The following EFCAB6 variants were observed in gnomAD, a reference collection of about 807,000 sequenced individuals.
EFCAB6 encodes EF-hand calcium-binding domain-containing protein 6.
EFCAB6 carries 156 observed loss-of-function variants against 169.8 expected under a neutral mutation model. The observed-to-expected ratio is 0.92, with a 90% CI of 0.81 to 1.05. The LOEUF (loss-of-function observed/expected upper bound fraction) is 1.05, where lower values mean the gene tolerates loss of function less well. Among genes scored for constraint, EFCAB6 ranks in the 50% least tolerant of loss-of-function variants. The pLI is 0.00. For synonymous variants in EFCAB6, 698 were observed against 676.4 expected (o/e 1.03, Z -0.50); for missense variants, 1,800 against 1,829.1 (o/e 0.98, Z 0.29).
intron 10 of EFCAB6, 140 bp downstream of exon 10, chr22:43,711,335 A>C (rs1215261870): frequency 2.3e-5 from 20 of 870,978 alleles, no homozygotes; most frequent in Admixed American, 7.5e-5. Context: ...TTACTATATT[A>C]TTCCCTTTAC....
At chr22:43,588,530 A>T (rs1378150914) in intron 24 of EFCAB6, among the ~76,000 whole-genome samples, 1 of 152,198 alleles carries the variant, frequency 6.6e-6, no homozygotes, top group East Asian at 1.9e-4. Flanking sequence ...ATCTCCCAGA[A>T]GGTAGAAAAA....
chr22:43,792,390 G>C (rs948057121), intron 2 of EFCAB6, among the ~76,000 whole-genome samples: 14 of 152,220 alleles, frequency 9.2e-5, no homozygotes, highest in Non-Finnish European at 4.4e-5. Flanking sequence ...CAAGTCAAGG[G>C]TGTGTGCAAG....
In EFCAB6 at chr22:43,683,789, A is replaced by G. The variant is rs978775196; in HGVS notation, c.1209T>C (p.Asp403=). The G allele has an allele frequency of 1.2e-6, 2 of 1,613,652 alleles. No individual in the cohort carries two copies. The highest frequency in any genetic ancestry group is 1.7e-6 in the Non-Finnish European group (2 of 1,179,712). The change falls in exon 12 of 32, where the codon GAT becomes GAC. Residue 403 remains aspartate (D), a synonymous_variant. Coordinates refer to ENST00000262726, the MANE Select transcript of EFCAB6 (RefSeq NM_022785.4). ...IITKLFRHTE[D]HSASLKKALL... ...ATGCTTTCTTCAGTGACGCAGAGTG[A>G]TCTTCAGTGTGTCTAAATAACTTTG... is the stretch of plus-strand genomic sequence containing the variant.
chr22:43,720,896 A>C lies in EFCAB6; in HGVS notation c.758-3924T>G, dbSNP rs1485997967. Among the ~76,000 whole-genome samples the C allele has an allele frequency of 2.6e-5, 4 of 152,224 alleles. No homozygotes were observed. In the East Asian group the frequency reaches 7.7e-4, roughly 29 times the overall value. On this transcript the variant is annotated intron_variant, in intron 8 of 31. Coordinates refer to ENST00000262726, the MANE Select transcript of EFCAB6 (RefSeq NM_022785.4). ...GCCAGAGGAATCAGGCAAGAGAAAG[A>C]AAGAAAAGGCATCCACATACGAAAT... is the stretch of plus-strand genomic sequence containing the variant.
chr22:43,573,451 G>A (rs192335844), intron 26 of EFCAB6, among the ~76,000 whole-genome samples: 1 of 85,992 alleles, frequency 1.2e-5, no homozygotes, highest in African/African-American at 4.8e-5. Context: ...AATAAAAAGG[G>A]GCTGGGCACG....
chr22:43,656,709 T>C (rs1264684418), intron 17 of EFCAB6, among the ~76,000 whole-genome samples: 1 of 151,978 alleles, frequency 6.6e-6, no homozygotes, highest in Non-Finnish European at 1.5e-5. Flanking sequence ...TAGGAGGCTA[T>C]AGCACCTAGG....
chr22:43,647,550 C>T (rs2056238731), intron 17 of EFCAB6, among the ~76,000 whole-genome samples: 1 of 152,114 alleles, frequency 6.6e-6, no homozygotes, highest in East Asian at 1.9e-4. Context: ...GAATTGTGTA[C>T]CCCAAAAGGT....
At chr22:43,581,132 G>A (rs2050694403) in intron 24 of EFCAB6, among the ~76,000 whole-genome samples, 1 of 152,164 alleles carries the variant, frequency 6.6e-6, no homozygotes, top group South Asian at 2.1e-4. Flanking sequence ...GGCAGTGGTG[G>A]GAGAGCAGCA....
intron 27 of EFCAB6, among the ~76,000 whole-genome samples, chr22:43,540,840 C>T (rs1743261420): frequency 6.6e-6 from 1 of 152,094 alleles, no homozygotes; most frequent in African/African-American, 2.4e-5. Flanking sequence ...TTTATTTCAC[C>T]CTAAGGGCAA....
At chr22:43,575,418 G>C (rs1192698357) in intron 26 of EFCAB6, among the ~76,000 whole-genome samples, 1 of 147,148 alleles carries the variant, frequency 6.8e-6, no homozygotes, top group African/African-American at 2.5e-5. Context: ...ATGTGGGCCA[G>C]GCTGGTTTCA....
At chr22:43,588,035 TC>T (rs1250930523) in intron 24 of EFCAB6, among the ~76,000 whole-genome samples, 1 of 152,198 alleles carries the variant, frequency 6.6e-6, no homozygotes, top group Non-Finnish European at 1.5e-5. Context: ...CTATCTTAAG[TC>T]CTAATTTAAC....
intron 10 of EFCAB6, among the ~76,000 whole-genome samples, chr22:43,694,769 A>G (rs144200485): frequency 6.8e-4 from 103 of 152,164 alleles, no homozygotes; most frequent in African/African-American, 2.4e-3. Flanking sequence ...CTTGATAAAC[A>G]CTTTCAGCAA....
intron 8 of EFCAB6, 120 bp from the exon 9 acceptor site, chr22:43,717,092 T>C (rs1449767656): frequency 1.6e-6 from 2 of 1,254,958 alleles, no homozygotes; most frequent in East Asian, 2.8e-5. Context: ...ACCAAGAAAA[T>C]GATGAACCAT....
intron 10 of EFCAB6, among the ~76,000 whole-genome samples, chr22:43,695,541 A>G (rs1271672100): frequency 1.3e-5 from 2 of 152,084 alleles, no homozygotes; most frequent in East Asian, 1.9e-4. Flanking sequence ...TGATTTTGAA[A>G]TAGAAAAACA....
At chr22:43,737,003 T>C (rs2060165079) in intron 6 of EFCAB6, among the ~76,000 whole-genome samples, 1 of 151,796 alleles carries the variant, frequency 6.6e-6, no homozygotes, top group Non-Finnish European at 1.5e-5. Context: ...TCAGCCTCAC[T>C]TCCTTCCTAA....
chr22:43,537,337 G>A lies in EFCAB6; in HGVS notation c.4048+40C>T, dbSNP rs371680107. 2.6e-5 allele frequency: 41 copies of A among 1,604,602 alleles called. No homozygotes were observed. The African/African-American group carries it at 4.9e-4, about 19-fold the overall frequency. On this transcript the variant is annotated intron_variant, in intron 29 of 31. Coordinates refer to ENST00000262726, the MANE Select transcript of EFCAB6 (RefSeq NM_022785.4). This position sits in a 1 kb window ranked among gnomAD's most constrained non-coding sequence, Gnocchi z 4.3. ...GTGGGAACAGCCTCTTGCCACAGGG[G>A]CTGACCACATATTACCAAGCAGATA...
chr22:43,772,145 C>T (rs2061491325), intron 4 of EFCAB6, among the ~76,000 whole-genome samples: 2 of 152,190 alleles, frequency 1.3e-5, no homozygotes, highest in South Asian at 4.1e-4. Flanking sequence ...CCAGCACTTG[C>T]CAACACTCCG....
Position 43,669,031 on chromosome 22 carries a change from A to C in EFCAB6, c.1655T>G (p.Ile552Ser), listed in dbSNP as rs1569350204. 2 of 1,606,840 alleles carry C rather than the reference A, an allele frequency of 1.2e-6. No homozygotes were observed. The highest frequency in any genetic ancestry group is 1.7e-6 in the Non-Finnish European group (2 of 1,176,850). ...NAHFIKLCSK[I>S]QDIGSGRILY... ...GATTCTTCCTGAACCAATGTCCTGA[A>C]TCTTACTGCAGAGTCTGAATTTTAA... Residue 552 changes from isoleucine (I) to serine (S), a missense_variant, in exon 16 of 32, where the codon ATT (isoleucine) becomes AGT (serine). Physicochemically the swap from Ile to Ser is moderately radical, Grantham distance 142. Coordinates refer to ENST00000262726, the MANE Select transcript of EFCAB6 (RefSeq NM_022785.4).
chr22:43,619,964 T>C (rs1391803368), intron 20 of EFCAB6, among the ~76,000 whole-genome samples: 1 of 151,708 alleles, frequency 6.6e-6, no homozygotes, highest in Non-Finnish European at 1.5e-5. Flanking sequence ...GTCAAACAAA[T>C]CAAATCATAA....
Sources: gnomAD v4.1 joint callset for allele counts (sites outside exome capture counted in the v4.1 genomes callset) on GRCh38, gnomAD v4.1.1 for gene constraint, Gnocchi (gnomAD v3.1) non-coding constraint, MANE v1.5 for transcripts, NCBI Gene and HGNC (gene_info 2026-07-23, HGNC 2026-07-21) for gene names.